PCMT1: variants seen among roughly 807,000 people sequenced by gnomAD.
The protein encoded by PCMT1 is protein-L-isoaspartate (D-aspartate) O-methyltransferase.
A neutral mutation model predicts 29.2 loss-of-function variants in PCMT1; 9 were observed. That is an observed-to-expected ratio of 0.31 (90% CI 0.19 to 0.54). The LOEUF (loss-of-function observed/expected upper bound fraction) is 0.54. Ranked by LOEUF, PCMT1 falls within the 20% of genes least tolerant of loss-of-function variation. The pLI is 0.95. For synonymous variants in PCMT1, 98 were observed against 97.5 expected (o/e 1.00, Z -0.03); for missense variants, 184 against 282.2 (o/e 0.65, Z 2.49).
At position 149,786,216 on chromosome 6, in the gene PCMT1, A is replaced by AC. The variant is rs1474640170; in HGVS notation, c.193-3731dup. 5.0e-4 allele frequency among the ~76,000 whole-genome samples: 35 copies of AC among 70,166 alleles called. 2 individuals carry two copies. The highest frequency in any genetic ancestry group is 2.4e-3 in the South Asian group (4 of 1,676). The allele number at this position is 70,166 out of a possible 152,430, so 46.0% of individuals were successfully genotyped here. On this transcript the variant is annotated intron_variant, in intron 3 of 7. Coordinates refer to ENST00000464889, the MANE Select transcript of PCMT1 (RefSeq NM_001360452.2). ...GGCGGCTGGCCGGGCGGGGGGGCTG[A>AC]CCCCCCCACCTCCCTCCCAGACGGG...
At chr6:149,798,799 G>A (rs1209280242) in intron 6 of PCMT1, among the ~76,000 whole-genome samples, 2 of 152,216 alleles carry the variant, frequency 1.3e-5, no homozygotes, top group African/African-American at 4.8e-5. Context: ...AAAGGCTTAG[G>A]AATTGGTGGC....
At position 149,788,734 on chromosome 6, in the gene PCMT1, C is replaced by A. The variant is rs542793090; in HGVS notation, c.193-1220C>A. 2.6e-5 allele frequency among the ~76,000 whole-genome samples: 4 copies of A among 152,028 alleles called. No homozygotes were observed. In the South Asian group the frequency reaches 6.2e-4, roughly 24 times the overall value. On this transcript the variant is annotated intron_variant, in intron 3 of 7. Transcript: ENST00000464889. ...CTCCATTGTAAAATTACTATTTTTC[C>A]TTTTGTGATTAATAATTATCTGGGG...
intron 3 of PCMT1, among the ~76,000 whole-genome samples, chr6:149,775,891 G>A (rs1787542563): frequency 6.6e-6 from 1 of 152,100 alleles, no homozygotes; most frequent in Admixed American, 6.6e-5. Context: ...CAGGCGTGGT[G>A]GCTCACATCT....
At chr6:149,801,946 T>A (rs1299276347) in intron 6 of PCMT1, among the ~76,000 whole-genome samples, 1 of 151,974 alleles carries the variant, frequency 6.6e-6, no homozygotes, top group South Asian at 2.1e-4. Context: ...GTGGCCAATA[T>A]GGTGAAACCT....
Position 149,801,268 on chromosome 6 carries a change from T to C in PCMT1, c.505-932T>C, listed in dbSNP as rs184781226. ...TACACATAGCCTGAAGGTAATTTTGTATAATATTTCAAATAATTTTGTGCA... is the reference window on the plus strand; with the variant it reads ...TACACATAGCCTGAAGGTAATTTTGCATAATATTTCAAATAATTTTGTGCA... On this transcript the variant is annotated intron_variant, in intron 6 of 7. Coordinates refer to ENST00000464889, the MANE Select transcript of PCMT1 (RefSeq NM_001360452.2). Among the ~76,000 whole-genome samples, 1,001 of 152,320 alleles carry C rather than the reference T, an allele frequency of 6.6e-3. 11 individuals are homozygous for C. Among genetic ancestry groups the C allele is most frequent in the African/African-American group, 0.023 (947 of 41,560 alleles).
chr6:149,750,121 C>G (rs940657269), intron 1 of PCMT1, 165 bp downstream of exon 1: 26 of 938,008 alleles, frequency 2.8e-5, no homozygotes, highest in Admixed American at 1.2e-4. Context: ...GCAGTCGCCT[C>G]CCTCGGGACC....
At position 149,771,443 on chromosome 6, in the gene PCMT1, T is replaced by G. The variant is rs111907716; in HGVS notation, c.160+177T>G. 2.6e-4 allele frequency among the ~76,000 whole-genome samples: 40 copies of G among 152,354 alleles called. No individual in the cohort carries two copies. The East Asian group carries it at 6.7e-3, about 26-fold the overall frequency. Reference sequence around the variant, plus strand: ...CTATTTTAATAAAATTATGTATGTTTTTCTGTTTTCTCGAACAATATATAA... The same window carrying G: ...CTATTTTAATAAAATTATGTATGTTGTTCTGTTTTCTCGAACAATATATAA... On this transcript the variant is annotated intron_variant, in intron 2 of 7. Transcript: ENST00000464889.
intron 4 of PCMT1, among the ~76,000 whole-genome samples, chr6:149,792,285 A>T (rs1788404024): frequency 6.6e-6 from 1 of 152,148 alleles, no homozygotes; most frequent in Non-Finnish European, 1.5e-5. Flanking sequence ...ACTGTACTCC[A>T]GCCTGGCCAA....
intron 1 of PCMT1, among the ~76,000 whole-genome samples, chr6:149,761,257 A>ATGTGTG (rs75507681): frequency 2.0e-5 from 3 of 146,988 alleles, no homozygotes; most frequent in Non-Finnish European, 4.5e-5. Flanking sequence ...TGTAAGGGTG[A>ATGTGTG]TGTGTGTGTG....
intron 7 of PCMT1, 28 bp downstream of exon 7, chr6:149,802,444 A>G (rs2115339524): frequency 1.4e-6 from 2 of 1,475,390 alleles, no homozygotes; most frequent in Non-Finnish European, 1.8e-6. Context: ...TTAAGACATT[A>G]GACTACAAGA....
intron 1 of PCMT1, among the ~76,000 whole-genome samples, chr6:149,766,711 G>T (rs1322561622): frequency 6.6e-6 from 1 of 152,182 alleles, no homozygotes; most frequent in African/African-American, 2.4e-5. Context: ...GACCTTTACA[G>T]TTGTTTGCTG....
chr6:149,757,444 G>A (rs1030238708), intron 1 of PCMT1, among the ~76,000 whole-genome samples: 2 of 152,124 alleles, frequency 1.3e-5, no homozygotes, highest in African/African-American at 4.8e-5. Flanking sequence ...TGCTTTCAGG[G>A]TGGCAGTGTA....
At chr6:149,792,763 C>G (rs1277874972) in intron 4 of PCMT1, among the ~76,000 whole-genome samples, 1 of 152,106 alleles carries the variant, frequency 6.6e-6, no homozygotes, top group Non-Finnish European at 1.5e-5. Context: ...AAGCAGTCTA[C>G]CTGCCTCTGC....
At chr6:149,761,868 G>A (rs565671818) in intron 1 of PCMT1, among the ~76,000 whole-genome samples, 2 of 152,132 alleles carry the variant, frequency 1.3e-5, no homozygotes, top group African/African-American at 4.8e-5. Context: ...TTCAAAAGTT[G>A]AAAATCAGTA....
intron 3 of PCMT1, among the ~76,000 whole-genome samples, chr6:149,788,019 G>A (rs932808372): frequency 6.6e-5 from 10 of 152,018 alleles, no homozygotes; most frequent in African/African-American, 1.9e-4. Flanking sequence ...TCGGGTTCAC[G>A]CCATTGTCCT....
chr6:149,753,084 G>T (rs1039823455), intron 1 of PCMT1, among the ~76,000 whole-genome samples: 3 of 152,048 alleles, frequency 2.0e-5, no homozygotes, highest in African/African-American at 7.2e-5. Flanking sequence ...TCAACTTCTT[G>T]CTGAGGTAAT....
chr6:149,756,840 T>A (rs1786529663), intron 1 of PCMT1, among the ~76,000 whole-genome samples: 1 of 151,680 alleles, frequency 6.6e-6, no homozygotes, highest in South Asian at 2.1e-4. Context: ...ATGTATATAT[T>A]TAAATTTAAA....
chr6:149,808,850 A>C (rs942948297), intron 7 of PCMT1, among the ~76,000 whole-genome samples: 3 of 151,720 alleles, frequency 2.0e-5, no homozygotes, highest in East Asian at 3.9e-4. Flanking sequence ...GTTAGCCAGG[A>C]TGGTCTCGAT....
At chr6:149,766,205 T>C (rs1787078678) in intron 1 of PCMT1, among the ~76,000 whole-genome samples, 1 of 152,246 alleles carries the variant, frequency 6.6e-6, no homozygotes, top group Middle Eastern at 3.4e-3. Flanking sequence ...CAATTGGGTA[T>C]GTGTCCTTTG....
Sources: allele counts gnomAD v4.1 joint callset (sites outside exome capture counted in the v4.1 genomes callset), GRCh38; gene constraint gnomAD v4.1.1; transcripts MANE v1.5; gene names NCBI Gene and HGNC (gene_info 2026-07-23, HGNC 2026-07-21).